Variants in BMP6 observed in about 807,000 individuals in gnomAD.
BMP6 encodes the protein VG-1-R.
In BMP6, 17 loss-of-function variants were observed where a neutral mutation model predicts 54.1. The ratio of observed to expected loss-of-function variants is 0.31; its 90% confidence interval spans 0.22 to 0.47. The LOEUF is 0.47. Among genes scored for constraint, BMP6 ranks in the 20% least tolerant of loss-of-function variants. The probability of loss-of-function intolerance (pLI) is 1.00; values close to 1 mark genes in which losing one functional copy is unlikely to be tolerated. For missense variants in BMP6, 720 were observed against 690.4 expected, an observed-to-expected ratio of 1.04 and a Z score of -0.48; for synonymous variants, 328 against 291.2, an observed-to-expected ratio of 1.13 and a Z score of -1.28.
chr6:7,776,198 T>C (rs916357613), intron 1 of BMP6, among the ~76,000 whole-genome samples: 5 of 152,240 alleles, frequency 3.3e-5, no homozygotes, highest in Non-Finnish European at 7.3e-5. Context: ...TTAAAGAATT[T>C]AGTCACTGAG....
chr6:7,840,227 G>A (rs1758947494), intron 1 of BMP6, among the ~76,000 whole-genome samples: 1 of 152,220 alleles, frequency 6.6e-6, no homozygotes, highest in African/African-American at 2.4e-5. Flanking sequence ...AACAGTGTAT[G>A]ATTTAGTGAT....
At chr6:7,737,083 G>C (rs899015652) in intron 1 of BMP6, among the ~76,000 whole-genome samples, 5 of 152,112 alleles carry the variant, frequency 3.3e-5, no homozygotes, top group African/African-American at 1.2e-4. Flanking sequence ...CTACTTGGGA[G>C]GCTGAAGCAG....
intron 1 of BMP6, among the ~76,000 whole-genome samples, chr6:7,803,660 C>G (rs75165580): frequency 1.3e-5 from 2 of 152,120 alleles, no homozygotes; most frequent in Admixed American, 6.5e-5. Flanking sequence ...GTAGTTTTCT[C>G]GGCCCAGATG....
At chr6:7,822,299 C>A (rs1030558273) in intron 1 of BMP6, among the ~76,000 whole-genome samples, 2 of 152,184 alleles carry the variant, frequency 1.3e-5, no homozygotes, top group African/African-American at 4.8e-5. Flanking sequence ...GGATTACAGG[C>A]GTGAGCCACC....
chr6:7,727,561 C>G lies in BMP6; in HGVS notation c.606C>G (p.Ser202Arg). Reference sequence around the variant, plus strand: ...GCGGCGGCGCGTCCCCACTGACCAGCGCGCAGGACAGCGCCTTCCTCAACG... The same window carrying G: ...GCGGCGGCGCGTCCCCACTGACCAGGGCGCAGGACAGCGCCTTCCTCAACG... ...SGSGGASPLT[S>R]AQDSAFLNDA... is the part of the protein sequence containing the mutation. Residue 202 changes from serine to arginine, a missense_variant, in exon 1 of 7, where the codon AGC (serine) becomes AGG (arginine). Transcript: ENST00000283147. The G allele has an allele frequency of 1.3e-6, 2 of 1,591,660 alleles. No homozygotes were observed. The highest frequency in any genetic ancestry group is 1.7e-6 in the Non-Finnish European group (2 of 1,176,570).
intron 1 of BMP6, among the ~76,000 whole-genome samples, chr6:7,772,309 T>G (rs986558297): frequency 3.3e-5 from 5 of 152,250 alleles, no homozygotes; most frequent in African/African-American, 1.2e-4. Flanking sequence ...CTTTTCTTGC[T>G]TTCTCACATA....
chr6:7,766,290 C>T (rs1342716236), intron 1 of BMP6, among the ~76,000 whole-genome samples: 1 of 152,092 alleles, frequency 6.6e-6, no homozygotes, highest in African/African-American at 2.4e-5. Context: ...CAATCTACCT[C>T]TAATAATGAG....
chr6:7,785,411 G>T (rs1345345357), intron 1 of BMP6, among the ~76,000 whole-genome samples: 2 of 152,176 alleles, frequency 1.3e-5, no homozygotes, highest in African/African-American at 2.4e-5. Flanking sequence ...TTTGGTGTTA[G>T]AAACTCAGAA....
chr6:7,876,629 G>A (rs1265227359), intron 4 of BMP6, among the ~76,000 whole-genome samples: 1 of 152,148 alleles, frequency 6.6e-6, no homozygotes, highest in Non-Finnish European at 1.5e-5. Context: ...ATGATTATCT[G>A]TTTAATGTAT....
chr6:7,839,506 TTCTATC>T lies in BMP6; in HGVS notation c.665-5628_665-5623del, dbSNP rs548316349. On this transcript the variant is annotated intron_variant, in intron 1 of 6. Transcript: ENST00000283147. ...ATAGCCCCTGGTATACCATTCTCCT[TTCTATC>T]TCTATGGATTTGACTAGGCTTGCTA... is the stretch of plus-strand genomic sequence containing the variant. 6.2e-4 allele frequency among the ~76,000 whole-genome samples: 95 copies of T among 152,342 alleles called. 1 individual carries two copies. The highest frequency in any genetic ancestry group is 1.2e-3 in the Non-Finnish European group (82 of 68,024).
chr6:7,735,411 C>T (rs1761939469), intron 1 of BMP6, among the ~76,000 whole-genome samples: 1 of 152,174 alleles, frequency 6.6e-6, no homozygotes, highest in Non-Finnish European at 1.5e-5. Flanking sequence ...TATTTTCCCT[C>T]CCTCCTTTTG....
intron 1 of BMP6, among the ~76,000 whole-genome samples, chr6:7,779,448 C>T (rs1757908190): frequency 6.6e-6 from 1 of 152,132 alleles, no homozygotes; most frequent in African/African-American, 2.4e-5. Flanking sequence ...AAGTGATTCT[C>T]CTACCTCAGC....
At chr6:7,735,303 TG>T (rs1400584613) in intron 1 of BMP6, among the ~76,000 whole-genome samples, 1 of 152,268 alleles carries the variant, frequency 6.6e-6, no homozygotes, top group Non-Finnish European at 1.5e-5. Context: ...TTCTGATTTG[TG>T]TCTCAGCAGA....
chr6:7,796,907 C>A lies in BMP6; in HGVS notation c.665-48233C>A, dbSNP rs567797519. On this transcript the variant is annotated intron_variant, in intron 1 of 6. Transcript: ENST00000283147. Reference sequence around the variant, plus strand: ...GCTATTCAAATCTTTCTGGATAATTCGTTCTGTTTCCCAGGTATCGGCACA... The same window carrying A: ...GCTATTCAAATCTTTCTGGATAATTAGTTCTGTTTCCCAGGTATCGGCACA... Among the ~76,000 whole-genome samples the A allele has an allele frequency of 3.3e-5, 5 of 152,234 alleles. No individual in the cohort carries two copies. In the South Asian group the frequency reaches 1.0e-3, roughly 32 times the overall value.
chr6:7,835,969 C>T (rs184550234), intron 1 of BMP6, among the ~76,000 whole-genome samples: 7 of 151,890 alleles, frequency 4.6e-5, no homozygotes, highest in South Asian at 4.2e-4. Flanking sequence ...CGCGAGTAGC[C>T]GGGACTACAG....
At chr6:7,731,495 C>G (rs1163950161) in intron 1 of BMP6, among the ~76,000 whole-genome samples, 3 of 152,166 alleles carry the variant, frequency 2.0e-5, no homozygotes, top group African/African-American at 7.2e-5. Context: ...TTGTTTGTCT[C>G]CCCTGTAGGA....
intron 1 of BMP6, among the ~76,000 whole-genome samples, chr6:7,752,749 A>G (rs991230615): frequency 2.0e-5 from 3 of 152,164 alleles, no homozygotes; most frequent in Non-Finnish European, 4.4e-5. Flanking sequence ...CTAAAAGTGT[A>G]GACTATTTTT....
chr6:7,788,870 T>C (rs1758053847), intron 1 of BMP6, among the ~76,000 whole-genome samples: 1 of 126,824 alleles, frequency 7.9e-6, no homozygotes, highest in African/African-American at 2.9e-5. Flanking sequence ...ATCCTATCTC[T>C]GTTTTTTTTT....
At chr6:7,783,775 A>C (rs1757982569) in intron 1 of BMP6, among the ~76,000 whole-genome samples, 1 of 152,228 alleles carries the variant, frequency 6.6e-6, no homozygotes. Flanking sequence ...TCCATTCCAA[A>C]TAGTCAGCAG....
Sources: allele counts gnomAD v4.1 joint callset (sites outside exome capture counted in the v4.1 genomes callset), GRCh38; gene constraint gnomAD v4.1.1; transcripts MANE v1.5; gene names NCBI Gene and HGNC (gene_info 2026-07-23, HGNC 2026-07-21).